The following MGST1 variants were observed in gnomAD, a reference collection of about 807,000 sequenced individuals.
MGST1 encodes microsomal glutathione S-transferase 1, also known as glutathione S-transferase 12.
In MGST1, 5 loss-of-function variants were observed where a neutral mutation model predicts 8.9. The ratio of observed to expected loss-of-function variants is 0.56; its 90% CI spans 0.29 to 1.19. The LOEUF is 1.19. MGST1 is among the 50% of genes most tolerant of loss of function. The pLI, the probability that MGST1 is intolerant of heterozygous loss-of-function variation, is 0.08. For missense variants in MGST1, 182 were observed against 187.4 expected, an observed-to-expected ratio of 0.97 and a Z score of 0.17; for synonymous variants, 54 against 67.8, an observed-to-expected ratio of 0.80 and a Z score of 1.00.
intron 4 of MGST1, among the ~76,000 whole-genome samples, chr12:16,518,234 C>T (rs1380382120): frequency 3.9e-5 from 6 of 152,206 alleles, no homozygotes; most frequent in Non-Finnish European, 8.8e-5. Flanking sequence ...TTCCTCTCTT[C>T]CTGTGCTGCT....
exon 4 of MGST1, chr12:16,376,296 C>G (rs1400125768): frequency 2.1e-6 from 1 of 485,706 alleles, no homozygotes; most frequent in East Asian, 3.2e-5. Context: ...AAAGATTATC[C>G]ACGGCTGTTA....
chr12:16,503,739 G>C lies in MGST1; in HGVS notation n.483-85789G>C. On this transcript the variant is annotated intron_variant and non_coding_transcript_variant, in intron 4 of 4. Coordinates refer to the MGST1 transcript ENST00000538857. This position sits in a 1 kb window ranked among gnomAD's most constrained non-coding sequence, Gnocchi z 4.8. ...TTTATCATTGCCGTGGTAACACCTG[G>C]AAGTTACCACCCCTTTCCATGACAA... is the stretch of plus-strand genomic sequence containing the variant. Among the ~76,000 whole-genome samples, 1 of 152,158 alleles carries C rather than the reference G, an allele frequency of 6.6e-6. No homozygotes were observed. Among genetic ancestry groups the C allele is most frequent in the East Asian group, 1.9e-4 (1 of 5,186 alleles).
intron 1 of MGST1, chr12:16,399,797 G>T: frequency 2.5e-6 from 3 of 1,194,336 alleles, no homozygotes; most frequent in East Asian, 2.3e-5. Flanking sequence ...TGGGTCAAGA[G>T]AGGCTACAAG....
intron 4 of MGST1, among the ~76,000 whole-genome samples, chr12:16,476,189 C>A (rs1941321923): frequency 6.6e-6 from 1 of 152,154 alleles, no homozygotes; most frequent in Admixed American, 6.5e-5. Flanking sequence ...AGTGAGAGTG[C>A]AGATAAGACT....
chr12:16,404,853 G>A (rs1245610765), intron 1 of MGST1, among the ~76,000 whole-genome samples: 1 of 152,094 alleles, frequency 6.6e-6, no homozygotes, highest in Non-Finnish European at 1.5e-5. Flanking sequence ...CTCTGGCTCT[G>A]AGATACATTT....
intron 4 of MGST1, among the ~76,000 whole-genome samples, chr12:16,562,316 TAAG>T (rs1397957749): frequency 6.6e-6 from 1 of 152,188 alleles, no homozygotes; most frequent in African/African-American, 2.4e-5. Context: ...TTTTGAGAAA[TAAG>T]AAAAACTTAA....
intron 4 of MGST1, among the ~76,000 whole-genome samples, chr12:16,472,542 G>A (rs1170645414): frequency 6.6e-6 from 1 of 151,886 alleles, no homozygotes; most frequent in Non-Finnish European, 1.5e-5. Flanking sequence ...GGTATTAGTG[G>A]CTGGAGATGG....
At chr12:16,520,466 A>C (rs1941641643) in intron 4 of MGST1, among the ~76,000 whole-genome samples, 1 of 152,130 alleles carries the variant, frequency 6.6e-6, no homozygotes, top group Admixed American at 6.5e-5. Context: ...AATTTTCAAG[A>C]AGAGCAGATG....
At chr12:16,558,530 T>C (rs1277258212) in intron 4 of MGST1, among the ~76,000 whole-genome samples, 1 of 152,086 alleles carries the variant, frequency 6.6e-6, no homozygotes, top group African/African-American at 2.4e-5. Flanking sequence ...GTGGGAATGT[T>C]TGTGTTTGTA....
At chr12:16,550,528 G>A (rs1015682547) in intron 4 of MGST1, 5 of 152,360 alleles carry the variant, frequency 3.3e-5, no homozygotes, top group Non-Finnish European at 7.4e-5. Context: ...GGTATAAAAT[G>A]AAAGTGCTTT....
At chr12:16,469,526 A>T (rs1941279453) in intron 4 of MGST1, among the ~76,000 whole-genome samples, 2 of 152,116 alleles carry the variant, frequency 1.3e-5, no homozygotes, top group Admixed American at 1.3e-4. Flanking sequence ...CTAGAATTCC[A>T]CAGATCCACT....
intron 4 of MGST1, among the ~76,000 whole-genome samples, chr12:16,459,761 A>G (rs181960835): frequency 6.6e-6 from 1 of 152,058 alleles, no homozygotes; most frequent in Non-Finnish European, 1.5e-5. Flanking sequence ...CAGCTTCTCA[A>G]CCACATCTTT....
intron 4 of MGST1, among the ~76,000 whole-genome samples, chr12:16,553,474 A>AGAGC (rs1411501192): frequency 6.6e-6 from 1 of 152,222 alleles, no homozygotes; most frequent in Non-Finnish European, 1.5e-5. Flanking sequence ...CAACAGAGGC[A>AGAGC]GAGCGAGAGA....
At chr12:16,398,488 C>T (rs1417108113) in intron 1 of MGST1, among the ~76,000 whole-genome samples, 1 of 152,188 alleles carries the variant, frequency 6.6e-6, no homozygotes, top group Non-Finnish European at 1.5e-5. Flanking sequence ...ATGTTGACTT[C>T]TTTGAGCCTT....
chr12:16,402,056 A>G, intron 1 of MGST1: 1 of 1,575,298 alleles, frequency 6.3e-7, no homozygotes, highest in Admixed American at 1.7e-5. Flanking sequence ...TAATGGCTTC[A>G]ATCATTTTGT....
chr12:16,567,069 G>A (rs561636243), intron 4 of MGST1, among the ~76,000 whole-genome samples: 43 of 152,128 alleles, frequency 2.8e-4, no homozygotes, highest in East Asian at 1.6e-3. Flanking sequence ...GTTGGCAGGC[G>A]CCTGTATTTC....
At chr12:16,423,084 T>C (rs1402129952) in intron 1 of MGST1, among the ~76,000 whole-genome samples, 1 of 152,204 alleles carries the variant, frequency 6.6e-6, no homozygotes, top group Non-Finnish European at 1.5e-5. Flanking sequence ...AGCCACAGCC[T>C]GGAAACTCTC....
At chr12:16,435,979 AC>A (rs1367241448) in intron 1 of MGST1, among the ~76,000 whole-genome samples, 2 of 116,910 alleles carry the variant, frequency 1.7e-5, no homozygotes, top group Non-Finnish European at 3.5e-5. Flanking sequence ...AGTTATTTCC[AC>A]CCTGCTGCAA....
At chr12:16,565,983 CATATATATATATATATATATATAT>C (rs61358392) in intron 4 of MGST1, among the ~76,000 whole-genome samples, 2,500 of 43,842 alleles carry the variant, frequency 0.057, 156 homozygotes, top group Middle Eastern at 0.11. Context: ...GAAAATGTGC[CATATATATATATATATATATATAT>C]ATATATATAT....
Sources: allele counts gnomAD v4.1 joint callset (sites outside exome capture counted in the v4.1 genomes callset), GRCh38; gene constraint gnomAD v4.1.1; non-coding constraint Gnocchi (gnomAD v3.1); transcripts MANE v1.5; gene names NCBI Gene and HGNC (gene_info 2026-07-23, HGNC 2026-07-21).